The following ACBD6 variants were observed in gnomAD, a reference collection of about 807,000 sequenced individuals.
ACBD6 encodes the protein acyl-CoA-binding domain-containing protein 6.
A neutral mutation model predicts 37.2 loss-of-function variants in ACBD6; 28 were observed. The ratio of observed to expected loss-of-function variants is 0.75; its 90% confidence interval spans 0.56 to 1.03. The LOEUF (loss-of-function observed/expected upper bound fraction) is 1.03. Among genes scored for constraint, ACBD6 ranks in the 50% least tolerant of loss-of-function variants. ACBD6 has a pLI of 0.00. For synonymous variants in ACBD6, 113 were observed against 126.8 expected, an observed-to-expected ratio of 0.89 and a Z score of 0.73; for missense variants, 340 against 337.4, an observed-to-expected ratio of 1.01 and a Z score of -0.06.
In ACBD6 at chr1:180,349,265, TTC is replaced by T. The variant is rs1652308177; in HGVS notation, c.664-34545_664-34544del. 8.2e-5 allele frequency among the ~76,000 whole-genome samples: 3 copies of T among 36,520 alleles called. No homozygotes were observed. In the Admixed American group the frequency reaches 1.3e-3, roughly 16 times the overall value. 24.0% of individuals were successfully genotyped at this position (36,520 alleles called of 152,430 possible). ...AAAAATATAAATAAAAAATTTTAAT[TTC>T]TTTTTTTTTTTTGGAAACGTCTCGC... On this transcript the variant is annotated intron_variant, in intron 6 of 7. Transcript: ENST00000367595.
chr1:180,327,602 T>G (rs549758220), intron 6 of ACBD6, among the ~76,000 whole-genome samples: 13 of 152,332 alleles, frequency 8.5e-5, no homozygotes, highest in African/African-American at 2.4e-4. Context: ...GCAATCTTGC[T>G]CCACATTCAG....
At chr1:180,369,145 C>T (rs1259578494) in intron 6 of ACBD6, among the ~76,000 whole-genome samples, 4 of 152,216 alleles carry the variant, frequency 2.6e-5, no homozygotes, top group Admixed American at 2.6e-4. Flanking sequence ...CGCTGGTAGG[C>T]AGGCCTCCCC....
chr1:180,317,359 G>C (rs1034231964), intron 6 of ACBD6, among the ~76,000 whole-genome samples: 1 of 152,160 alleles, frequency 6.6e-6, no homozygotes, highest in African/African-American at 2.4e-5. Flanking sequence ...GGGAAGCATG[G>C]GGAGTTCTTG....
At chr1:180,421,150 T>TTA (rs1648345781) in intron 4 of ACBD6, among the ~76,000 whole-genome samples, 1 of 152,194 alleles carries the variant, frequency 6.6e-6, no homozygotes, top group Non-Finnish European at 1.5e-5. Context: ...AGCTAGCTGT[T>TTA]CCACCTGATG....
At chr1:180,472,124 G>A (rs1336641829) in intron 3 of ACBD6, among the ~76,000 whole-genome samples, 1 of 152,196 alleles carries the variant, frequency 6.6e-6, no homozygotes, top group Non-Finnish European at 1.5e-5. Flanking sequence ...GACCTGAGGA[G>A]CTCCAAAATA....
chr1:180,454,124 ATAC>A (rs1183313224), intron 3 of ACBD6, among the ~76,000 whole-genome samples: 1 of 152,186 alleles, frequency 6.6e-6, no homozygotes, highest in Non-Finnish European at 1.5e-5. Flanking sequence ...ACTTCAAACT[ATAC>A]TACAAGGCTA....
At chr1:180,468,479 G>T (rs1177777357) in intron 3 of ACBD6, among the ~76,000 whole-genome samples, 1 of 152,140 alleles carries the variant, frequency 6.6e-6, no homozygotes, top group African/African-American at 2.4e-5. Flanking sequence ...TGCGTGACTG[G>T]GTTTATTTTC....
At chr1:180,393,016 GC>G (rs1161341393) in intron 6 of ACBD6, among the ~76,000 whole-genome samples, 1 of 152,172 alleles carries the variant, frequency 6.6e-6, no homozygotes, top group East Asian at 1.9e-4. Flanking sequence ...CTTTTAATGT[GC>G]TTTGGGGGGT....
exon 13 of ACBD6, chr1:180,272,617 T>C (rs1166962210): frequency 6.6e-6 from 1 of 152,508 alleles, no homozygotes; most frequent in African/African-American, 2.4e-5. Flanking sequence ...AATTACTGCA[T>C]GTTATGAATC....
chr1:180,488,108 T>C (rs1486797678), intron 3 of ACBD6, among the ~76,000 whole-genome samples: 1 of 152,026 alleles, frequency 6.6e-6, no homozygotes, highest in African/African-American at 2.4e-5. Context: ...GTGTGTTGTG[T>C]GTGTGTGTGT....
At chr1:180,333,505 T>C (rs911809760) in intron 6 of ACBD6, among the ~76,000 whole-genome samples, 11 of 152,220 alleles carry the variant, frequency 7.2e-5, no homozygotes, top group African/African-American at 2.4e-5. Flanking sequence ...AAATGATTCA[T>C]AGATTTATGT....
At chr1:180,431,574 T>C (rs1287989617) in intron 3 of ACBD6, among the ~76,000 whole-genome samples, 1 of 152,174 alleles carries the variant, frequency 6.6e-6, no homozygotes, top group Non-Finnish European at 1.5e-5. Context: ...ATTTATGATA[T>C]TTTTGACTTA....
At chr1:180,389,270 T>C (rs565586071) in intron 6 of ACBD6, among the ~76,000 whole-genome samples, 8 of 152,220 alleles carry the variant, frequency 5.3e-5, no homozygotes, top group Admixed American at 1.3e-4. Context: ...TTAGTCCTTG[T>C]GATAGTTTAC....
chr1:180,440,394 C>T (rs1179824650), intron 3 of ACBD6, among the ~76,000 whole-genome samples: 1 of 152,200 alleles, frequency 6.6e-6, no homozygotes, highest in Non-Finnish European at 1.5e-5. Flanking sequence ...CAGGCATGAG[C>T]CACCAGATCC....
intron 5 of ACBD6, among the ~76,000 whole-genome samples, chr1:180,408,542 T>C (rs1005229486): frequency 6.6e-6 from 1 of 152,030 alleles, no homozygotes. Context: ...GGGGGACAGA[T>C]AGCATTAGGA....
At chr1:180,441,724 A>G (rs1299491026) in intron 3 of ACBD6, among the ~76,000 whole-genome samples, 2 of 152,058 alleles carry the variant, frequency 1.3e-5, no homozygotes, top group Non-Finnish European at 2.9e-5. Context: ...TGCTGATCTT[A>G]TGATCTTATA....
At chr1:180,396,938 T>A (rs1209815476) in intron 6 of ACBD6, among the ~76,000 whole-genome samples, 2 of 152,048 alleles carry the variant, frequency 1.3e-5, no homozygotes, top group Non-Finnish European at 1.5e-5. Flanking sequence ...GTAACTCCAC[T>A]CCTATGTCTA....
chr1:180,418,606 G>A (rs1232845543), intron 4 of ACBD6, among the ~76,000 whole-genome samples: 2 of 152,150 alleles, frequency 1.3e-5, no homozygotes, highest in Admixed American at 1.3e-4. Context: ...TTATCTGGGA[G>A]AAGCAAAATA....
intron 6 of ACBD6, among the ~76,000 whole-genome samples, chr1:180,333,601 CG>C (rs1331677307): frequency 6.6e-6 from 1 of 152,166 alleles, no homozygotes; most frequent in East Asian, 1.9e-4. Context: ...ACGCAGAAGA[CG>C]GGTGATTTCT....
Sources: allele counts gnomAD v4.1 joint callset (sites outside exome capture counted in the v4.1 genomes callset), GRCh38; gene constraint gnomAD v4.1.1; transcripts MANE v1.5; gene names NCBI Gene and HGNC (gene_info 2026-07-23, HGNC 2026-07-21).